Variants in RPS6KA5 observed in about 807,000 individuals in gnomAD.
RPS6KA5 encodes ribosomal protein S6 kinase A5.
A neutral mutation model predicts 85.5 loss-of-function variants in RPS6KA5; 27 were observed. The observed-to-expected ratio is 0.32, with a 90% CI of 0.23 to 0.44. The LOEUF is 0.44. RPS6KA5 is among the 20% of genes least tolerant of loss of function. The pLI is 1.00. For synonymous variants in RPS6KA5, 334 were observed against 348.2 expected (o/e 0.96, Z 0.46); for missense variants, 811 against 980.9 (o/e 0.83, Z 2.31).
At chr14:90,943,893 C>A (rs1474084454) in intron 4 of RPS6KA5, among the ~76,000 whole-genome samples, 2 of 152,082 alleles carry the variant, frequency 1.3e-5, no homozygotes, top group South Asian at 4.1e-4. Flanking sequence ...CACTCTGTCA[C>A]CCAGGCTGGA....
At chr14:91,005,959 CTG>C (rs1183150438) in intron 1 of RPS6KA5, among the ~76,000 whole-genome samples, 2 of 151,998 alleles carry the variant, frequency 1.3e-5, no homozygotes, top group African/African-American at 4.8e-5. Flanking sequence ...CTAGATCAGA[CTG>C]TGCCAGAAAC....
intron 2 of RPS6KA5, among the ~76,000 whole-genome samples, chr14:90,978,848 C>A (rs1039868489): frequency 6.6e-6 from 1 of 152,066 alleles, no homozygotes; most frequent in African/African-American, 2.4e-5. Flanking sequence ...AATTCTGGAA[C>A]AACCAGGACA....
At chr14:90,958,138 C>A (rs2140409916) in intron 3 of RPS6KA5, among the ~76,000 whole-genome samples, 1 of 152,040 alleles carries the variant, frequency 6.6e-6, no homozygotes, top group African/African-American at 2.4e-5. Context: ...CAGAGTGAAA[C>A]CCTGTCTCAA....
chr14:91,025,180 G>A (rs1000959838), intron 1 of RPS6KA5, among the ~76,000 whole-genome samples: 7 of 152,148 alleles, frequency 4.6e-5, no homozygotes, highest in African/African-American at 1.7e-4. Flanking sequence ...GAGTAGCTGG[G>A]ACTACAGGCG....
At chr14:91,026,246 T>A (rs10142710) in intron 1 of RPS6KA5, among the ~76,000 whole-genome samples, 107,638 of 152,054 alleles carry the variant, frequency 0.71, 38,237 homozygotes, top group East Asian at 0.87. Flanking sequence ...TCTGTTGCCC[T>A]GGATTTTTTG....
intron 14 of RPS6KA5, among the ~76,000 whole-genome samples, chr14:90,878,585 T>C (rs2033627295): frequency 6.6e-6 from 1 of 152,204 alleles, no homozygotes; most frequent in Non-Finnish European, 1.5e-5. Context: ...GTCCTGTTAA[T>C]GCAATTAGGC....
intron 12 of RPS6KA5, among the ~76,000 whole-genome samples, chr14:90,896,881 T>C (rs2034866516): frequency 6.6e-6 from 1 of 151,976 alleles, no homozygotes; most frequent in Non-Finnish European, 1.5e-5. Flanking sequence ...ACACCACGCC[T>C]GACTAATTTT....
intron 5 of RPS6KA5, among the ~76,000 whole-genome samples, chr14:90,937,682 G>A (rs1216042770): frequency 6.6e-6 from 1 of 152,144 alleles, no homozygotes; most frequent in East Asian, 1.9e-4. Context: ...GGAGGAACAA[G>A]TCACATATTA....
Position 90,996,205 on chromosome 14 carries a change from GT to G in RPS6KA5, c.175+4882del, listed in dbSNP as rs570686742. ...ATTTGTTTTTTTTGTTTTTTTTTTT[GT>G]TTTTTTTTTCAGTAGAGATGAAGTC... On this transcript the variant is annotated intron_variant, in intron 2 of 16. Coordinates refer to ENST00000614987, the MANE Select transcript of RPS6KA5 (RefSeq NM_004755.4). Among the ~76,000 whole-genome samples, 4 of 138,464 alleles carry G rather than the reference GT, an allele frequency of 2.9e-5. No homozygotes were observed. The East Asian group carries it at 6.3e-4, about 22-fold the overall frequency. 90.8% of individuals were successfully genotyped at this position (138,464 alleles called of 152,430 possible).
chr14:90,946,220 C>T (rs952835809), intron 4 of RPS6KA5, among the ~76,000 whole-genome samples: 5 of 152,136 alleles, frequency 3.3e-5, no homozygotes, highest in Admixed American at 3.3e-4. Flanking sequence ...GTCCAAGTGT[C>T]TGTTCTGCTA....
At chr14:91,047,061 AAAG>A (rs1030490202) in intron 1 of RPS6KA5, among the ~76,000 whole-genome samples, 14 of 151,292 alleles carry the variant, frequency 9.3e-5, no homozygotes, top group South Asian at 4.2e-4. Context: ...AAAAAAAAAA[AAAG>A]AAGAAGAAGC....
intron 1 of RPS6KA5, among the ~76,000 whole-genome samples, chr14:91,004,860 C>G (rs938964910): frequency 1.3e-5 from 2 of 151,664 alleles, no homozygotes; most frequent in Non-Finnish European, 2.9e-5. Flanking sequence ...CCCAGCTCCT[C>G]GGGAGGCTGA....
chr14:90,962,815 T>G (rs1231155695), intron 3 of RPS6KA5, among the ~76,000 whole-genome samples: 1 of 152,240 alleles, frequency 6.6e-6, no homozygotes, highest in Non-Finnish European at 1.5e-5. Context: ...CTTTCTGTTT[T>G]CATATATGTG....
At chr14:90,928,381 G>A (rs2036794570) in intron 5 of RPS6KA5, among the ~76,000 whole-genome samples, 1 of 151,646 alleles carries the variant, frequency 6.6e-6, no homozygotes, top group Non-Finnish European at 1.5e-5. Flanking sequence ...TATGAAAGAA[G>A]CTTATAGAAA....
chr14:91,016,750 A>G (rs1159866142), intron 1 of RPS6KA5, among the ~76,000 whole-genome samples: 1 of 151,798 alleles, frequency 6.6e-6, no homozygotes, highest in African/African-American at 2.4e-5. Flanking sequence ...ATATCAACTT[A>G]TGGACTATCA....
At chr14:90,963,359 C>G (rs756471010) in intron 3 of RPS6KA5, among the ~76,000 whole-genome samples, 3 of 152,112 alleles carry the variant, frequency 2.0e-5, no homozygotes, top group Non-Finnish European at 4.4e-5. Flanking sequence ...GAGTTTGCCA[C>G]GTTTCTCCAC....
At chr14:90,954,235 T>A (rs2038384500) in intron 3 of RPS6KA5, among the ~76,000 whole-genome samples, 1 of 152,222 alleles carries the variant, frequency 6.6e-6, no homozygotes, top group Non-Finnish European at 1.5e-5. Context: ...GATGTTTTTA[T>A]CTGCAGTTGG....
At chr14:90,908,551 C>A (rs935681450) in intron 7 of RPS6KA5, among the ~76,000 whole-genome samples, 1 of 152,122 alleles carries the variant, frequency 6.6e-6, no homozygotes, top group Non-Finnish European at 1.5e-5. Flanking sequence ...GGGCTTTCCT[C>A]AGTGATGTGA....
intron 14 of RPS6KA5, among the ~76,000 whole-genome samples, chr14:90,883,331 T>C (rs1029749553): frequency 2.0e-5 from 3 of 152,160 alleles, no homozygotes; most frequent in Non-Finnish European, 4.4e-5. Flanking sequence ...TTCATTTTTC[T>C]CTCTGTTCCT....
Sources: gnomAD v4.1 joint callset for allele counts (sites outside exome capture counted in the v4.1 genomes callset) on GRCh38, gnomAD v4.1.1 for gene constraint, MANE v1.5 for transcripts, NCBI Gene and HGNC (gene_info 2026-07-23, HGNC 2026-07-21) for gene names.